EPHA6: variants seen among roughly 807,000 people sequenced by gnomAD.
EPHA6 encodes the protein EPH receptor A6.
In EPHA6, 50 loss-of-function variants were observed where a neutral mutation model predicts 112.0. The ratio of observed to expected loss-of-function variants is 0.45; its 90% confidence interval spans 0.36 to 0.56. EPHA6 has a LOEUF of 0.56. Ranked by LOEUF, EPHA6 falls within the 20% of genes least tolerant of loss-of-function variation. The probability of loss-of-function intolerance (pLI) is 0.00; values close to 1 mark genes in which losing one functional copy is unlikely to be tolerated. For synonymous variants in EPHA6, 529 were observed against 490.7 expected, an observed-to-expected ratio of 1.08 and a Z score of -1.03; for missense variants, 1,280 against 1,417.4, an observed-to-expected ratio of 0.90 and a Z score of 1.56.
intron 3 of EPHA6, among the ~76,000 whole-genome samples, chr3:97,066,286 T>G (rs2046176930): frequency 6.6e-6 from 1 of 151,964 alleles, no homozygotes; most frequent in Non-Finnish European, 1.5e-5. Flanking sequence ...TAGGATCTCC[T>G]CGACAGAAGC....
At chr3:97,239,383 A>C (rs2078776595) in intron 4 of EPHA6, among the ~76,000 whole-genome samples, 1 of 151,836 alleles carries the variant, frequency 6.6e-6, no homozygotes. Flanking sequence ...GGTTAGGGGC[A>C]CCAATCCACT....
At chr3:97,549,613 A>G (rs1235008781) in intron 11 of EPHA6, among the ~76,000 whole-genome samples, 1 of 152,132 alleles carries the variant, frequency 6.6e-6, no homozygotes, top group Non-Finnish European at 1.5e-5. Flanking sequence ...CAGAACCCTG[A>G]TCATCTTGGC....
At chr3:97,297,639 G>C (rs924028528) in intron 5 of EPHA6, among the ~76,000 whole-genome samples, 1 of 152,134 alleles carries the variant, frequency 6.6e-6, no homozygotes, top group African/African-American at 2.4e-5. Flanking sequence ...CATATCTCAA[G>C]ATGGATTAAC....
intron 11 of EPHA6, among the ~76,000 whole-genome samples, chr3:97,539,142 CT>C (rs1286587320): frequency 7.6e-6 from 1 of 131,936 alleles, no homozygotes; most frequent in Non-Finnish European, 1.6e-5. Context: ...TTCTTTCTTT[CT>C]TTCTTCTTTC....
At chr3:96,963,492 T>C (rs1287273444) in intron 2 of EPHA6, among the ~76,000 whole-genome samples, 1 of 152,194 alleles carries the variant, frequency 6.6e-6, no homozygotes, top group Non-Finnish European at 1.5e-5. Flanking sequence ...CCTTTCTTTT[T>C]TATTTTGGAG....
At chr3:97,137,987 A>T (rs529562904) in intron 3 of EPHA6, among the ~76,000 whole-genome samples, 3 of 152,284 alleles carry the variant, frequency 2.0e-5, no homozygotes, top group East Asian at 3.9e-4. Context: ...TACACAATCA[A>T]ATAGGTCTTC....
chr3:97,093,047 C>G (rs992384687), intron 3 of EPHA6, among the ~76,000 whole-genome samples: 4 of 152,016 alleles, frequency 2.6e-5, no homozygotes, highest in Non-Finnish European at 5.9e-5. Flanking sequence ...ATATCTTGAC[C>G]TGGAAGTGAC....
chr3:97,042,098 A>T (rs993413911), intron 3 of EPHA6, among the ~76,000 whole-genome samples: 2 of 152,100 alleles, frequency 1.3e-5, no homozygotes, highest in African/African-American at 4.8e-5. Context: ...TAATGTTTGC[A>T]TATTTGTCTC....
rs2036063591 is a variant in EPHA6 at position 97,757,846 on chromosome 3, T to C, written c.*9145T>C. 6.6e-6 allele frequency among the ~76,000 whole-genome samples: 1 copy of C among 151,936 alleles called. No homozygotes were observed. Among genetic ancestry groups the C allele is most frequent in the Non-Finnish European group, 1.5e-5 (1 of 67,812 alleles). ...AAAAAGAGCCATTGTATTTTTTATA[T>C]TTCCATTCAGTCTCATTATGCTTGA... On this transcript the variant is annotated 3_prime_UTR_variant, in exon 18 of 18. Transcript: ENST00000389672.
intron 15 of EPHA6, among the ~76,000 whole-genome samples, chr3:97,724,230 T>C (rs1416263644): frequency 6.6e-6 from 1 of 152,208 alleles, no homozygotes; most frequent in Non-Finnish European, 1.5e-5. Context: ...TTGTATATTT[T>C]ATTACAATGA....
intron 6 of EPHA6, among the ~76,000 whole-genome samples, chr3:97,414,605 T>C (rs2087979064): frequency 6.6e-6 from 1 of 152,054 alleles, no homozygotes; most frequent in Middle Eastern, 3.2e-3. Flanking sequence ...AAGGGTAGAC[T>C]TAAGTGTCTT....
chr3:97,545,647 C>T (rs2092933937), intron 11 of EPHA6, among the ~76,000 whole-genome samples: 1 of 152,096 alleles, frequency 6.6e-6, no homozygotes, highest in South Asian at 2.1e-4. Flanking sequence ...GTTTATCTGT[C>T]TAATGTTGAC....
chr3:96,903,630 T>G (rs1247074583), intron 2 of EPHA6, among the ~76,000 whole-genome samples: 1 of 152,134 alleles, frequency 6.6e-6, no homozygotes, highest in Non-Finnish European at 1.5e-5. Context: ...TTTTAATAAT[T>G]TTTTAAACAA....
chr3:97,258,202 A>G (rs1484634460), intron 5 of EPHA6, among the ~76,000 whole-genome samples: 3 of 152,048 alleles, frequency 2.0e-5, no homozygotes. Flanking sequence ...TATGCATTAA[A>G]TATTTGCTAA....
At position 97,750,829 on chromosome 3, in the gene EPHA6, TA is replaced by T. The variant is rs747074832; in HGVS notation, c.*2129del. ...AAGAGTCTTTAGATGTTTCTTAAAATATACAAAAAAAGGTAGGGGGTGATGG... is the reference window on the plus strand; with the variant it reads ...AAGAGTCTTTAGATGTTTCTTAAAATTACAAAAAAAGGTAGGGGGTGATGG... On this transcript the variant is annotated 3_prime_UTR_variant, in exon 18 of 18. Coordinates refer to ENST00000389672, the MANE Select transcript of EPHA6 (RefSeq NM_001080448.3). Among the ~76,000 whole-genome samples, 20 of 152,118 alleles carry T rather than the reference TA, an allele frequency of 1.3e-4. No individual in the cohort carries two copies. Among genetic ancestry groups the T allele is most frequent in the Non-Finnish European group, 2.2e-4 (15 of 67,954 alleles).
chr3:97,217,902 A>C (rs1464784685), intron 3 of EPHA6, among the ~76,000 whole-genome samples: 2 of 152,176 alleles, frequency 1.3e-5, no homozygotes, highest in Non-Finnish European at 2.9e-5. Context: ...TTTCTGTGAA[A>C]AGCCATAGAG....
At chr3:96,826,825 A>G (rs1341854565) in intron 1 of EPHA6, among the ~76,000 whole-genome samples, 4 of 152,102 alleles carry the variant, frequency 2.6e-5, no homozygotes, top group Non-Finnish European at 5.9e-5. Context: ...TTGCTTCTGA[A>G]GACTCATGCA....
intron 13 of EPHA6, among the ~76,000 whole-genome samples, chr3:97,616,064 G>T (rs1033041755): frequency 9.2e-5 from 14 of 152,124 alleles, no homozygotes; most frequent in African/African-American, 3.1e-4. Flanking sequence ...CCTTCTACAA[G>T]TGTGTTGGAA....
intron 6 of EPHA6, among the ~76,000 whole-genome samples, chr3:97,408,234 C>A (rs867221209): frequency 1.4e-4 from 21 of 152,134 alleles, no homozygotes; most frequent in Middle Eastern, 3.4e-3. Flanking sequence ...CCTATTAATA[C>A]TGTTACAATG....
Sources: gnomAD v4.1 joint callset for allele counts (sites outside exome capture counted in the v4.1 genomes callset) on GRCh38, gnomAD v4.1.1 for gene constraint, MANE v1.5 for transcripts, NCBI Gene and HGNC (gene_info 2026-07-23, HGNC 2026-07-21) for gene names.